The following SCN10A variants were observed in gnomAD, a reference collection of about 807,000 sequenced individuals.
SCN10A encodes sodium voltage-gated channel alpha subunit 10, also known as sodium channel protein type 10 subunit alpha.
In SCN10A, 162 loss-of-function variants were observed where a neutral mutation model predicts 170.7. The ratio of observed to expected loss-of-function variants is 0.95; its 90% CI spans 0.84 to 1.08. The LOEUF is 1.08. Ranked by LOEUF, SCN10A falls within the 50% of genes least tolerant of loss-of-function variation. The probability of loss-of-function intolerance (pLI) is 0.00; values close to 1 mark genes in which losing one functional copy is unlikely to be tolerated. For synonymous variants in SCN10A, 985 were observed against 904.6 expected (o/e 1.09, Z -1.59); for missense variants, 2,527 against 2,436.9 (o/e 1.04, Z -0.78).
chr3:38,709,299 AC>A (rs2063245281), intron 25 of SCN10A, among the ~76,000 whole-genome samples, 178 bp downstream of exon 25: 1 of 152,174 alleles, frequency 6.6e-6, no homozygotes, highest in African/African-American at 2.4e-5. Context: ...GGCATTGCTG[AC>A]AGAGAGAAAT....
intron 16 of SCN10A, among the ~76,000 whole-genome samples, chr3:38,728,237 T>A (rs1180192928): frequency 6.6e-6 from 1 of 152,230 alleles, no homozygotes; most frequent in Non-Finnish European, 1.5e-5. Context: ...TTCTTGATTT[T>A]AAGGAAATTA....
At chr3:38,746,330 A>T (rs1425608587) in intron 13 of SCN10A, among the ~76,000 whole-genome samples, 1 of 151,780 alleles carries the variant, frequency 6.6e-6, no homozygotes, top group African/African-American at 2.4e-5. Context: ...CATATGCATC[A>T]TCAAGTCCTG....
At chr3:38,736,057 A>C (rs529536286) in intron 15 of SCN10A, among the ~76,000 whole-genome samples, 124 of 152,360 alleles carry the variant, frequency 8.1e-4, no homozygotes, top group African/African-American at 2.8e-3. Flanking sequence ...TGCATTGAAC[A>C]CAGAGTTTGA....
At chr3:38,789,511 G>A (rs4676594) in intron 3 of SCN10A, among the ~76,000 whole-genome samples, 1 of 152,040 alleles carries the variant, frequency 6.6e-6, no homozygotes, top group Non-Finnish European at 1.5e-5. Flanking sequence ...ACAAAGAAAA[G>A]TTAGAAACTT....
At chr3:38,743,410 C>T (rs1380334855) in intron 13 of SCN10A, among the ~76,000 whole-genome samples, 1 of 152,154 alleles carries the variant, frequency 6.6e-6, no homozygotes, top group East Asian at 1.9e-4. Flanking sequence ...TTAATTATCT[C>T]GCGGCTTTGA....
chr3:38,713,574 G>A (rs2063298494), intron 22 of SCN10A, among the ~76,000 whole-genome samples: 1 of 152,172 alleles, frequency 6.6e-6, no homozygotes, highest in Non-Finnish European at 1.5e-5. Flanking sequence ...CACCACCAAA[G>A]TCAGAGCAGG....
chr3:38,777,986 T>C (rs558544036), intron 4 of SCN10A, among the ~76,000 whole-genome samples: 1 of 152,216 alleles, frequency 6.6e-6, no homozygotes, highest in Admixed American at 6.5e-5. Flanking sequence ...CTTTATGGAA[T>C]ACTATATGGC....
intron 13 of SCN10A, among the ~76,000 whole-genome samples, chr3:38,743,776 C>G (rs920315521): frequency 2.0e-5 from 3 of 152,130 alleles, no homozygotes; most frequent in African/African-American, 7.2e-5. Context: ...CAAGCATTCT[C>G]ACCTTAGCTT....
At chr3:38,800,107 T>C (rs2064362517) in intron 1 of SCN10A, among the ~76,000 whole-genome samples, 1 of 152,168 alleles carries the variant, frequency 6.6e-6, no homozygotes, top group Non-Finnish European at 1.5e-5. Context: ...GGTAAAGCAG[T>C]ATCTATGTGG....
chr3:38,785,141 T>C (rs544393130), intron 4 of SCN10A, among the ~76,000 whole-genome samples: 1 of 152,238 alleles, frequency 6.6e-6, no homozygotes, highest in African/African-American at 2.4e-5. Context: ...ACTTTAAATT[T>C]CATGTGGAAC....
intron 17 of SCN10A, 29 bp from the exon 18 acceptor site, chr3:38,725,343 C>T (rs1277262564): frequency 6.5e-7 from 1 of 1,544,214 alleles, no homozygotes; most frequent in Non-Finnish European, 8.8e-7. Context: ...AACTGGGTGC[C>T]TGGCCCCACC....
intron 4 of SCN10A, among the ~76,000 whole-genome samples, chr3:38,775,213 A>T (rs528880554): frequency 6.6e-6 from 1 of 152,262 alleles, no homozygotes; most frequent in African/African-American, 2.4e-5. Context: ...TATAATCCCG[A>T]ACAGAAATGT....
In SCN10A at chr3:38,793,972, G is replaced by A. The variant is rs181048561; in HGVS notation, c.39C>T (p.Phe13=). The change falls in exon 2 of 28, where the codon TTC becomes TTT. Residue 13 remains phenylalanine (F), a synonymous_variant. Coordinates refer to ENST00000449082, the MANE Select transcript of SCN10A (RefSeq NM_006514.4). The part of the protein sequence containing the change: ...FPIGSLETNN[F]RRFTPESLVE... ...CCAGTGACTCCGGAGTAAAGCGACG[G>A]AAGTTGTTAGTTTCGAGGGATCCAA... 7.3e-5 allele frequency: 118 copies of A among 1,613,976 alleles called. No homozygotes were observed. The highest frequency in any genetic ancestry group is 4.0e-4 in the Admixed American group (24 of 60,012).
Position 38,698,458 on chromosome 3 carries a change from G to T in SCN10A, c.4762C>A (p.Arg1588=), listed in dbSNP as rs142537392. 135 of 1,614,180 alleles carry T rather than the reference G, an allele frequency of 8.4e-5. No individual in the cohort carries two copies. Among genetic ancestry groups the T allele is most frequent in the Middle Eastern group, 1.6e-4 (1 of 6,062 alleles). ...ARIGRILRLI[R]AAKGIRTLLF... is the part of the protein sequence containing the mutation. ...AGTGTGCGGATCCCCTTGGCCGCTCGGATCAGTCTGAGGATGCGGCCAATT... is the reference window on the plus strand; with the variant it reads ...AGTGTGCGGATCCCCTTGGCCGCTCTGATCAGTCTGAGGATGCGGCCAATT... The change falls in exon 28 of 28, where the codon CGA becomes AGA. Residue 1588 remains arginine (R), a synonymous_variant. Transcript: ENST00000449082.
chr3:38,724,794 C>T (rs2063434589), intron 18 of SCN10A, among the ~76,000 whole-genome samples: 1 of 152,186 alleles, frequency 6.6e-6, no homozygotes, highest in African/African-American at 2.4e-5. Flanking sequence ...AAACATTTGA[C>T]AAGCAGCATC....
At position 38,742,001 on chromosome 3, in the gene SCN10A, T is replaced by C. The variant is rs143399681; in HGVS notation, c.2106+290A>G. Among the ~76,000 whole-genome samples, 841 of 152,320 alleles carry C rather than the reference T, an allele frequency of 5.5e-3. 3 individuals are homozygous for C. The highest frequency in any genetic ancestry group is 9.1e-3 in the Non-Finnish European group (618 of 68,028). On this transcript the variant is annotated intron_variant, in intron 14 of 27. Transcript: ENST00000449082. ...ATCCAGAAAATTCAAGTGGTTGTCC[T>C]ATGTTTTGTAAAGGGCAACTAGCTG... is the stretch of plus-strand genomic sequence containing the variant.
At chr3:38,768,151 T>C (rs62244078) in intron 5 of SCN10A, among the ~76,000 whole-genome samples, 30,390 of 151,860 alleles carry the variant, frequency 0.2, 3,662 homozygotes, top group East Asian at 0.4. Context: ...GGTGAGTCTC[T>C]TGAAGACAGT....
chr3:38,729,002 T>G (rs2063488037), intron 15 of SCN10A, 101 bp from the exon 16 acceptor site: 1 of 1,448,712 alleles, frequency 6.9e-7, no homozygotes, highest in South Asian at 1.4e-5. Context: ...ACACAAGGCC[T>G]CTCATCCCAT....
intron 26 of SCN10A, among the ~76,000 whole-genome samples, chr3:38,705,012 C>A (rs1294067311): frequency 2.0e-5 from 3 of 152,202 alleles, no homozygotes; most frequent in African/African-American, 7.2e-5. Context: ...GATGATCCGG[C>A]TTGTGCCACT....
Sources: allele counts gnomAD v4.1 joint callset (sites outside exome capture counted in the v4.1 genomes callset), GRCh38; gene constraint gnomAD v4.1.1; transcripts MANE v1.5; gene names NCBI Gene and HGNC (gene_info 2026-07-23, HGNC 2026-07-21).